The following PRELID2 variants were observed in gnomAD, a reference collection of about 807,000 sequenced individuals.
The protein encoded by PRELID2 is PRELI domain-containing protein 2.
A neutral mutation model predicts 28.4 loss-of-function variants in PRELID2; 25 were observed. That is an observed-to-expected ratio of 0.88 (90% confidence interval 0.64 to 1.23). PRELID2 has a LOEUF of 1.23. PRELID2 is among the 50% of genes most tolerant of loss of function. PRELID2 has a pLI of 0.00. For missense variants in PRELID2, 201 were observed against 214.4 expected, an observed-to-expected ratio of 0.94 and a Z score of 0.39; for synonymous variants, 76 against 71.6, an observed-to-expected ratio of 1.06 and a Z score of -0.31.
At chr5:145,402,290 G>A in the PRELID2 span, among the ~76,000 whole-genome samples, 1 of 152,130 alleles carries the variant, frequency 6.6e-6, no homozygotes, top group East Asian at 1.9e-4. Context: ...GAAGCTGTAT[G>A]CTCCTTGGAC....
At chr5:145,473,725 T>A (rs183191504) in intron 1 of PRELID2, among the ~76,000 whole-genome samples, 50 of 152,294 alleles carry the variant, frequency 3.3e-4, no homozygotes, top group Admixed American at 3.1e-3. Flanking sequence ...GGATCTTAAA[T>A]TAAGAGGAAC....
chr5:145,595,707 C>G (rs1033246728), intron 1 of PRELID2, among the ~76,000 whole-genome samples: 1 of 152,160 alleles, frequency 6.6e-6, no homozygotes, highest in Non-Finnish European at 1.5e-5. Context: ...ATCAGACTCT[C>G]AAAGTCTGTG....
intron 1 of PRELID2, among the ~76,000 whole-genome samples, chr5:145,641,473 A>G (rs1245753671): frequency 6.6e-6 from 1 of 152,238 alleles, no homozygotes; most frequent in African/African-American, 2.4e-5. Context: ...TGTAAAATTG[A>G]CAATACCAGT....
the PRELID2 span, among the ~76,000 whole-genome samples, chr5:145,384,739 G>A: frequency 1.3e-5 from 2 of 152,160 alleles, no homozygotes; most frequent in Non-Finnish European, 2.9e-5. Context: ...GGAAGGTGAA[G>A]TAGGATTTTG....
the PRELID2 span, among the ~76,000 whole-genome samples, chr5:145,298,718 A>T: frequency 2.0e-5 from 3 of 152,146 alleles, no homozygotes; most frequent in South Asian, 2.1e-4. Flanking sequence ...CAGAACTGTG[A>T]GCCAATAAAT....
At chr5:145,813,584 A>G (rs1431218231) in intron 4 of PRELID2, among the ~76,000 whole-genome samples, 1 of 152,188 alleles carries the variant, frequency 6.6e-6, no homozygotes, top group Non-Finnish European at 1.5e-5. Context: ...AGTCTACAAT[A>G]TCTGCATTCG....
At chr5:145,415,564 AATG>A in the PRELID2 span, among the ~76,000 whole-genome samples, 2 of 150,482 alleles carry the variant, frequency 1.3e-5, no homozygotes, top group Non-Finnish European at 3.0e-5. Context: ...GTTTACTGAG[AATG>A]ATGATTTCCA....
At chr5:145,359,547 T>A in the PRELID2 span, among the ~76,000 whole-genome samples, 1 of 152,236 alleles carries the variant, frequency 6.6e-6, no homozygotes, top group Non-Finnish European at 1.5e-5. Flanking sequence ...AGAAATAAGA[T>A]GCAGAATCGA....
intron 1 of PRELID2, among the ~76,000 whole-genome samples, chr5:145,823,463 C>T (rs1338692819): frequency 6.6e-6 from 1 of 152,204 alleles, no homozygotes; most frequent in Admixed American, 6.5e-5. Context: ...GTGCTAGGCA[C>T]TGTACTAAAT....
chr5:145,565,339 G>A (rs1752955927), intron 1 of PRELID2, among the ~76,000 whole-genome samples: 1 of 152,182 alleles, frequency 6.6e-6, no homozygotes, highest in Admixed American at 6.5e-5. Context: ...TTATTGTTTT[G>A]ACATGGAACC....
At chr5:145,339,398 T>C in the PRELID2 span, among the ~76,000 whole-genome samples, 1 of 152,134 alleles carries the variant, frequency 6.6e-6, no homozygotes, top group African/African-American at 2.4e-5. Context: ...ATTCCCACCA[T>C]GGTCTTTTAC....
At chr5:145,771,422 A>T (rs1478620997) in intron 5 of PRELID2, among the ~76,000 whole-genome samples, 1 of 152,040 alleles carries the variant, frequency 6.6e-6, no homozygotes, top group Non-Finnish European at 1.5e-5. Flanking sequence ...GAAGAAAGGA[A>T]GTAGAAATTA....
At chr5:145,495,830 G>T (rs1179560020) in intron 1 of PRELID2, among the ~76,000 whole-genome samples, 2 of 152,182 alleles carry the variant, frequency 1.3e-5, no homozygotes, top group Admixed American at 1.3e-4. Context: ...GTTCTTTAAA[G>T]CTCTAAACTC....
chr5:145,484,935 A>G (rs1046067520), intron 1 of PRELID2, among the ~76,000 whole-genome samples: 1 of 152,166 alleles, frequency 6.6e-6, no homozygotes, highest in African/African-American at 2.4e-5. Context: ...AACAGAGAGG[A>G]GCTACTACCA....
chr5:145,265,220 A>T, the PRELID2 span, among the ~76,000 whole-genome samples: 6 of 151,934 alleles, frequency 3.9e-5, no homozygotes, highest in Non-Finnish European at 5.9e-5. Context: ...TGCAAAAAAT[A>T]AAATAAAATA....
At chr5:145,322,100 G>A in the PRELID2 span, among the ~76,000 whole-genome samples, 12 of 152,252 alleles carry the variant, frequency 7.9e-5, no homozygotes, top group Admixed American at 7.2e-4. Context: ...ATAGCTCTTG[G>A]CTCCTGTCTG....
chr5:145,421,764 C>T, the PRELID2 span, among the ~76,000 whole-genome samples: 7 of 135,672 alleles, frequency 5.2e-5, no homozygotes, highest in African/African-American at 1.9e-4. Context: ...TTATTTCTTG[C>T]CTTCTGCTAG....
the PRELID2 span, among the ~76,000 whole-genome samples, chr5:145,389,589 A>G: frequency 6.6e-6 from 1 of 152,176 alleles, no homozygotes; most frequent in Non-Finnish European, 1.5e-5. Flanking sequence ...TAACAACTCT[A>G]TTTAACATAA....
At chr5:145,354,503 C>T in the PRELID2 span, among the ~76,000 whole-genome samples, 1 of 152,080 alleles carries the variant, frequency 6.6e-6, no homozygotes, top group Non-Finnish European at 1.5e-5. Flanking sequence ...TTACTGATTC[C>T]TCTCATTAAC....
Sources: gnomAD v4.1 joint callset for allele counts (sites outside exome capture counted in the v4.1 genomes callset) on GRCh38, gnomAD v4.1.1 for gene constraint, MANE v1.5 for transcripts, NCBI Gene and HGNC (gene_info 2026-07-23, HGNC 2026-07-21) for gene names.